Variants in CSE1L observed in about 807,000 individuals in gnomAD.
CSE1L encodes the protein chromosome segregation 1 like.
CSE1L carries 24 observed loss-of-function variants against 120.4 expected under a neutral mutation model. The ratio of observed to expected loss-of-function variants is 0.20; its 90% CI spans 0.14 to 0.28. The LOEUF (loss-of-function observed/expected upper bound fraction) is 0.28. Among genes scored for constraint, CSE1L ranks in the 10% least tolerant of loss-of-function variants. The probability of loss-of-function intolerance (pLI) is 1.00; values close to 1 mark genes in which losing one functional copy is unlikely to be tolerated. For synonymous variants in CSE1L, 402 were observed against 398.3 expected (o/e 1.01, Z -0.11); for missense variants, 830 against 1,145.2 (o/e 0.72, Z 3.97).
At chr20:49,061,073 A>G (rs558679032) in intron 2 of CSE1L, among the ~76,000 whole-genome samples, 1 of 152,322 alleles carries the variant, frequency 6.6e-6, no homozygotes, top group Non-Finnish European at 1.5e-5. Context: ...TAGTGTATAA[A>G]GAAGTAATGT....
chr20:49,070,711 C>T (rs1214120478), intron 8 of CSE1L, among the ~76,000 whole-genome samples: 1 of 152,162 alleles, frequency 6.6e-6, no homozygotes, highest in African/African-American at 2.4e-5. Flanking sequence ...TGGGGAGGAT[C>T]CCTTGAGCCC....
chr20:49,066,139 T>C, intron 3 of CSE1L, 53 bp from the exon 4 acceptor site: 1 of 1,400,624 alleles, frequency 7.1e-7, no homozygotes, highest in Non-Finnish European at 1.0e-6. Context: ...TAAAATCATG[T>C]GGACATGAAT....
chr20:49,084,190 G>A, intron 15 of CSE1L, 28 bp downstream of exon 15: 1 of 1,612,032 alleles, frequency 6.2e-7, no homozygotes, highest in Non-Finnish European at 8.5e-7. Flanking sequence ...AAGTTTTTTA[G>A]CCTGGGGTAG....
intron 21 of CSE1L, 116 bp downstream of exon 21, chr20:49,091,138 C>T (rs536910999): frequency 6.5e-6 from 5 of 773,844 alleles, no homozygotes; most frequent in South Asian, 5.2e-5. Context: ...GCAAAAAATA[C>T]TTGGCCACGT....
At position 49,067,288 on chromosome 20, in the gene CSE1L, A is replaced by G. The variant is rs752315713; in HGVS notation, c.567+8A>G. On this transcript the variant is annotated splice_region_variant and intron_variant, in intron 6 of 24. Transcript: ENST00000262982. ...TTGACTAATCTTTTTAAGGTATGGA[A>G]TGCATCTTGGTGATATTTTTAAATT... The G allele has an allele frequency of 1.3e-6, 2 of 1,554,528 alleles. No individual in the cohort carries two copies. Among genetic ancestry groups the G allele is most frequent in the East Asian group, 2.3e-5 (1 of 44,396 alleles).
At position 49,065,313 on chromosome 20, in the gene CSE1L, A is replaced by ATTTTTTTTTTTTTTTTTT. The variant is rs376073464; in HGVS notation, c.229-869_229-852dup. On this transcript the variant is annotated intron_variant, in intron 3 of 24. Coordinates refer to ENST00000262982, the MANE Select transcript of CSE1L (RefSeq NM_001316.4). ...AGTTTACATATGAAATGAAAAAAAAATTTTTTTTTTTTTTTTTTTTTTTTT... is the reference window on the plus strand; with the variant it reads ...AGTTTACATATGAAATGAAAAAAAAATTTTTTTTTTTTTTTTTTTTTTTTTTTTTTTTTTTTTTTTTTT... Among the ~76,000 whole-genome samples the ATTTTTTTTTTTTTTTTTT allele has an allele frequency of 4.3e-3, 226 of 52,080 alleles. 37 individuals carry two copies. The highest frequency in any genetic ancestry group is 5.2e-3 in the Non-Finnish European group (141 of 27,118). 34.2% of individuals were successfully genotyped at this position (52,080 alleles called of 152,430 possible).
At chr20:49,091,685 G>A (rs2092102572) in intron 21 of CSE1L, among the ~76,000 whole-genome samples, 1 of 152,130 alleles carries the variant, frequency 6.6e-6, no homozygotes, top group Non-Finnish European at 1.5e-5. Context: ...TCACGCTCCT[G>A]CACCCAGCCT....
chr20:49,083,716 G>A (rs1361611443), intron 14 of CSE1L, among the ~76,000 whole-genome samples: 1 of 152,198 alleles, frequency 6.6e-6, no homozygotes, highest in Non-Finnish European at 1.5e-5. Context: ...ATATCTGCTA[G>A]TGATGATTCT....
chr20:49,077,153 CTTTTTTTTT>C (rs11439721), intron 13 of CSE1L, 89 bp downstream of exon 13: 7 of 402,568 alleles, frequency 1.7e-5, no homozygotes, highest in Admixed American at 5.3e-5. Context: ...CCCTTTTGTT[CTTTTTTTTT>C]TTTTTTTTTT....
At chr20:49,056,324 A>G (rs2091806664) in intron 1 of CSE1L, among the ~76,000 whole-genome samples, 2 of 152,044 alleles carry the variant, frequency 1.3e-5, no homozygotes, top group African/African-American at 4.8e-5. Flanking sequence ...GGCTGGTCTC[A>G]AACTCCTGAC....
chr20:49,068,734 G>C lies in CSE1L; in HGVS notation c.587G>C (p.Ser196Thr). ...NLFKATIELC[S>T]THANDASALR... is the part of the protein sequence containing the mutation. ...TCCAAGGCCACTATTGAACTCTGCA[G>C]TACCCATGCAAATGATGCCTCTGCC... The change falls in exon 7 of 25, where the codon AGT becomes ACT. Residue 196 changes from serine to threonine, a missense_variant. By Grantham distance (58) the Ser-to-Thr change is moderately conservative. This residue lies in a region of CSE1L where 543 missense variants were observed against 640.2 expected (regional missense o/e 0.85). Transcript: ENST00000262982. 6.2e-7 allele frequency: 1 copy of C among 1,613,324 alleles called. No individual in the cohort carries two copies. Among genetic ancestry groups the C allele is most frequent in the Non-Finnish European group, 8.5e-7 (1 of 1,179,216 alleles).
intron 2 of CSE1L, 103 bp downstream of exon 2, chr20:49,058,651 AC>A (rs1301830260): frequency 1.1e-5 from 9 of 839,704 alleles, no homozygotes; most frequent in Admixed American, 4.7e-5. Context: ...AAAAATTCAT[AC>A]TTGGGTTCTC....
intron 17 of CSE1L, 58 bp from the exon 18 acceptor site, chr20:49,089,189 T>G (rs991008529): frequency 8.5e-5 from 116 of 1,366,044 alleles, no homozygotes; most frequent in Admixed American, 2.4e-4. Flanking sequence ...TTAAATGTGT[T>G]TTATAAAGGT....
chr20:49,060,074 A>T (rs1036471141), intron 2 of CSE1L, among the ~76,000 whole-genome samples: 10 of 151,676 alleles, frequency 6.6e-5, no homozygotes, highest in African/African-American at 2.4e-4. Flanking sequence ...ATTCCTAGCA[A>T]CTGGGGAGGC....
chr20:49,089,372 T>C lies in CSE1L; in HGVS notation c.1947T>C (p.Thr649=). The C allele has an allele frequency of 6.2e-7, 1 of 1,609,920 alleles. No homozygotes were observed. ...NFEEALFLVF[T]EILQNDVQEF... Reference sequence around the variant, plus strand: ...AGGAGGCTTTGTTTTTGGTGTTTACTGAAATCTTACAAAATGATGTGCAAG... The same window carrying C: ...AGGAGGCTTTGTTTTTGGTGTTTACCGAAATCTTACAAAATGATGTGCAAG... Residue 649 remains threonine, a synonymous_variant, in exon 18 of 25, where the codon ACT becomes ACC. Transcript: ENST00000262982.
At chr20:49,067,928 C>CTTTTTTTTTTT (rs10567768) in intron 6 of CSE1L, among the ~76,000 whole-genome samples, 1 of 78,480 alleles carries the variant, frequency 1.3e-5, no homozygotes, top group African/African-American at 5.0e-5. Flanking sequence ...TTCCCTCTCT[C>CTTTTTTTTTTT]TTTTTTTTTT....
chr20:49,076,063 C>T (rs954995716), intron 12 of CSE1L, among the ~76,000 whole-genome samples: 1 of 152,198 alleles, frequency 6.6e-6, no homozygotes. Flanking sequence ...AATTCCTGAC[C>T]TCGTGTGATC....
At chr20:49,084,292 G>C (rs997897726) in intron 15 of CSE1L, 130 bp downstream of exon 15, 13 of 942,168 alleles carry the variant, frequency 1.4e-5, no homozygotes, top group Non-Finnish European at 2.0e-5. Flanking sequence ...TTTATACTCT[G>C]TTTCATTCTA....
At chr20:49,068,656 A>G in intron 6 of CSE1L, 59 bp from the exon 7 acceptor site, 1 of 1,106,202 alleles carries the variant, frequency 9.0e-7, no homozygotes, top group Non-Finnish European at 1.4e-6. Context: ...CTGTTTCACT[A>G]AGATCAGCAT....
Sources: allele counts gnomAD v4.1 joint callset (sites outside exome capture counted in the v4.1 genomes callset), GRCh38; gene constraint gnomAD v4.1.1; regional missense constraint gnomAD v4.1.1; transcripts MANE v1.5; gene names NCBI Gene and HGNC (gene_info 2026-07-23, HGNC 2026-07-21).